The following ADAMTS15 variants were observed in gnomAD, a reference collection of about 807,000 sequenced individuals.
The protein encoded by ADAMTS15 is A disintegrin and metalloproteinase with thrombospondin motifs 15.
In ADAMTS15, 35 loss-of-function variants were observed where a neutral mutation model predicts 79.1. The ratio of observed to expected loss-of-function variants is 0.44; its 90% CI spans 0.34 to 0.59. ADAMTS15 has a LOEUF of 0.59. Ranked by LOEUF, ADAMTS15 falls within the 20% of genes least tolerant of loss-of-function variation. The pLI is 0.02. For synonymous variants in ADAMTS15, 616 were observed against 567.3 expected (o/e 1.09, Z -1.22); for missense variants, 1,324 against 1,318.7 (o/e 1.00, Z -0.06).
intron 1 of ADAMTS15, among the ~76,000 whole-genome samples, chr11:130,457,852 G>A (rs531244190): frequency 2.8e-4 from 42 of 152,274 alleles, no homozygotes; most frequent in South Asian, 8.3e-4. Context: ...CCGGGGTGGG[G>A]AGGAGGACAG....
rs182995457 is a variant in ADAMTS15, at chr11:130,473,333, A to T, written c.2365A>T (p.Met789Leu). Residue 789 changes from methionine to leucine, a missense_variant, in exon 8 of 8, where the codon ATG becomes TTG. Transcript: ENST00000299164. ...LTVEVLSVGK[M>L]TPPRVRYSFY... ...CGTGGAGGTCCTCTCCGTGGGGAAG[A>T]TGACACCGCCCCGGGTCCGCTACTC... The T allele has an allele frequency of 9.5e-5, 154 of 1,612,958 alleles. No individual in the cohort carries two copies. In the East Asian group the frequency reaches 3.4e-3, roughly 36 times the overall value.
intron 1 of ADAMTS15, chr11:130,450,255 A>G (rs547093121): frequency 2.0e-6 from 2 of 985,352 alleles, no homozygotes; most frequent in Non-Finnish European, 2.4e-6. Context: ...GTTTGTGTCC[A>G]AGACCGATAG....
intron 4 of ADAMTS15, among the ~76,000 whole-genome samples, chr11:130,463,673 T>C (rs1938248154): frequency 6.6e-6 from 1 of 152,228 alleles, no homozygotes; most frequent in African/African-American, 2.4e-5. Flanking sequence ...AATGTTTTTC[T>C]GTGTTCTGGG....
chr11:130,465,248 C>T (rs1167543119), intron 4 of ADAMTS15, among the ~76,000 whole-genome samples: 1 of 152,192 alleles, frequency 6.6e-6, no homozygotes, highest in Non-Finnish European at 1.5e-5. Context: ...ACCTCCCGAC[C>T]TGCTTCCGCA....
At position 130,449,939 on chromosome 11, in the gene ADAMTS15, A is replaced by G. The variant is rs1250160127; in HGVS notation, c.957+9A>G. ...TCCTCTTCACCAGGCAGGTGAGTTG[A>G]TCTGCCGTCACTTTGCACCCAGATA... On this transcript the variant is annotated intron_variant, in intron 1 of 7. Coordinates refer to ENST00000299164, the MANE Select transcript of ADAMTS15 (RefSeq NM_139055.4). The surrounding 1 kb of genome is among the most constrained non-coding windows in gnomAD (Gnocchi z 7.8). The G allele has an allele frequency of 2.4e-5, 38 of 1,596,304 alleles. No individual in the cohort carries two copies. The highest frequency in any genetic ancestry group is 3.1e-5 in the Non-Finnish European group (37 of 1,177,470).
chr11:130,473,044 C>A lies in ADAMTS15; in HGVS notation c.2079-3C>A. Reference sequence around the variant, plus strand: ...GATGCACGGCCCCCCTTTCCCCCGCCAGGCATGGCTACAATTTCGTGGTGG... The same window carrying A: ...GATGCACGGCCCCCCTTTCCCCCGCAAGGCATGGCTACAATTTCGTGGTGG... On this transcript the variant is annotated splice_region_variant and splice_polypyrimidine_tract_variant and intron_variant, in intron 7 of 7. Transcript: ENST00000299164. The A allele has an allele frequency of 6.2e-7, 1 of 1,612,458 alleles. No homozygotes were observed.
chr11:130,457,599 G>A (rs953308081), intron 1 of ADAMTS15, among the ~76,000 whole-genome samples: 3 of 152,204 alleles, frequency 2.0e-5, no homozygotes, highest in African/African-American at 7.2e-5. Flanking sequence ...GCTGGGAATC[G>A]TGAGGCAGGT....
chr11:130,471,561 T>C (rs1938460514), intron 7 of ADAMTS15, among the ~76,000 whole-genome samples, 178 bp downstream of exon 7: 1 of 149,270 alleles, frequency 6.7e-6, no homozygotes, highest in Non-Finnish European at 1.5e-5. Context: ...ATTCATTCAC[T>C]CATTCATTCA....
In ADAMTS15 at chr11:130,455,602, T is replaced by C. The variant is rs148143675; in HGVS notation, c.957+5672T>C. The stretch of plus-strand genomic sequence containing the variant: ...TTCCTGGGGATCATTCATCCAGCTT[T>C]TGAGGCGGTCAGGCTGCAGGGTTGG... On this transcript the variant is annotated intron_variant, in intron 1 of 7. Coordinates refer to ENST00000299164, the MANE Select transcript of ADAMTS15 (RefSeq NM_139055.4). Among the ~76,000 whole-genome samples, 239 of 152,322 alleles carry C rather than the reference T, an allele frequency of 1.6e-3. 1 individual carries two copies. Among genetic ancestry groups the C allele is most frequent in the African/African-American group, 5.0e-3 (209 of 41,568 alleles).
intron 2 of ADAMTS15, among the ~76,000 whole-genome samples, 195 bp from the exon 3 acceptor site, chr11:130,461,892 A>G (rs1174250685): frequency 1.3e-5 from 2 of 152,154 alleles, no homozygotes; most frequent in African/African-American, 4.8e-5. Context: ...GTTGTCAGGG[A>G]GCCCACAGCC....
At chr11:130,450,067 G>A in intron 1 of ADAMTS15, 137 bp downstream of exon 1, 1 of 1,469,814 alleles carries the variant, frequency 6.8e-7, no homozygotes, top group Non-Finnish European at 9.0e-7. Flanking sequence ...CTCCAACTCT[G>A]TGGAGTTTCC....
chr11:130,458,143 C>A (rs1178536911), intron 1 of ADAMTS15, among the ~76,000 whole-genome samples: 1 of 152,180 alleles, frequency 6.6e-6, no homozygotes, highest in Non-Finnish European at 1.5e-5. Flanking sequence ...ACAGAGGCGG[C>A]TGCGGGGTGG....
At chr11:130,468,764 CA>C (rs34961681) in intron 4 of ADAMTS15, among the ~76,000 whole-genome samples, 69 of 78,082 alleles carry the variant, frequency 8.8e-4, no homozygotes, top group South Asian at 2.4e-3. Flanking sequence ...GACTCCATCT[CA>C]AAAAAAAAAA....
Position 130,462,521 on chromosome 11 carries a change from G to A in ADAMTS15, c.1283G>A (p.Ser428Asn), listed in dbSNP as rs1938222364. 6.2e-7 allele frequency: 1 copy of A among 1,601,856 alleles called. No individual in the cohort carries two copies. The highest frequency in any genetic ancestry group is 1.3e-5 in the African/African-American group (1 of 74,896). Residue 428 changes from serine (S) to asparagine (N), a missense_variant, in exon 4 of 8, where the codon AGC (serine) becomes AAC (asparagine). Transcript: ENST00000299164. The surrounding 1 kb of genome is among the most constrained non-coding windows in gnomAD (Gnocchi z 4.3). ...GGTGACTGCCTCCTGGACCAACCCAGCAAGCCCATCTCCCTGCCCGAGGAT... is the reference window on the plus strand; with the variant it reads ...GGTGACTGCCTCCTGGACCAACCCAACAAGCCCATCTCCCTGCCCGAGGAT... ...GHGDCLLDQP[S>N]KPISLPEDLP...
At chr11:130,461,687 C>T (rs565734183) in intron 2 of ADAMTS15, 66 bp downstream of exon 2, 328 of 1,597,766 alleles carry the variant, frequency 2.1e-4, no homozygotes, top group Non-Finnish European at 2.6e-4. Context: ...GGGTGGGAGA[C>T]GTGTGTCTTT....
chr11:130,467,366 G>T (rs1938322866), intron 4 of ADAMTS15, among the ~76,000 whole-genome samples: 1 of 152,146 alleles, frequency 6.6e-6, no homozygotes, highest in Non-Finnish European at 1.5e-5. Context: ...CTGTCAGGGA[G>T]TGAAAGGATG....
At chr11:130,452,979 CAAA>C (rs139829512) in intron 1 of ADAMTS15, among the ~76,000 whole-genome samples, 3,331 of 126,704 alleles carry the variant, frequency 0.026, 69 homozygotes, top group African/African-American at 0.061. Context: ...GGCTCTGTCT[CAAA>C]AAAAAAAAAA....
chr11:130,470,108 C>T (rs1023510439), intron 5 of ADAMTS15, among the ~76,000 whole-genome samples: 1 of 118,370 alleles, frequency 8.4e-6, no homozygotes, highest in Admixed American at 1.0e-4. Flanking sequence ...TTATCAGGTT[C>T]ATTACTGAAT....
chr11:130,461,852 C>T (rs965449895), intron 2 of ADAMTS15, among the ~76,000 whole-genome samples: 1 of 152,174 alleles, frequency 6.6e-6, no homozygotes, highest in African/African-American at 2.4e-5. Flanking sequence ...ACTGTGGGGA[C>T]ACCATGTTAA....
Sources: allele counts gnomAD v4.1 joint callset (sites outside exome capture counted in the v4.1 genomes callset), GRCh38; gene constraint gnomAD v4.1.1; non-coding constraint Gnocchi (gnomAD v3.1); transcripts MANE v1.5; gene names NCBI Gene and HGNC (gene_info 2026-07-23, HGNC 2026-07-21).